Variants in DARS1 observed in about 807,000 individuals in gnomAD.
The protein encoded by DARS1 is aspartyl-tRNA synthetase 1.
A neutral mutation model predicts 68.8 loss-of-function variants in DARS1; 51 were observed. The observed-to-expected ratio is 0.74, with a 90% CI of 0.59 to 0.94. The LOEUF (loss-of-function observed/expected upper bound fraction) is 0.94. Ranked by LOEUF, DARS1 falls within the 40% of genes least tolerant of loss-of-function variation. The pLI, the probability that DARS1 is intolerant of heterozygous loss-of-function variation, is 0.00. For missense variants in DARS1, 607 were observed against 597.3 expected (o/e 1.02, Z -0.17); for synonymous variants, 203 against 190.4 (o/e 1.07, Z -0.55).
Position 135,920,512 on chromosome 2 carries a change from G to C in DARS1, c.900C>G (p.His300Gln). The C allele has an allele frequency of 6.2e-7, 1 of 1,613,528 alleles. No individual in the cohort carries two copies. The highest frequency in any genetic ancestry group is 2.2e-5 in the East Asian group (1 of 44,798). ...TGTCAGCAATTTCTTCCATAACTTC[G>C]TGGTAATGGTAATTAAAAGCCATTT... ...DIEMAFNYHY[H>Q]EVMEEIADTM... The change falls in exon 10 of 16, where the codon CAC (histidine) becomes CAG (glutamine). Residue 300 changes from histidine to glutamine, a missense_variant. By Grantham distance (24) the His-to-Gln change is conservative. Coordinates refer to ENST00000264161, the MANE Select transcript of DARS1 (RefSeq NM_001349.4).
At position 135,940,743 on chromosome 2, in the gene DARS1, T is replaced by C. The variant is rs138507977; in HGVS notation, c.423+2635A>G. On this transcript the variant is annotated intron_variant, in intron 5 of 15. Coordinates refer to ENST00000264161, the MANE Select transcript of DARS1 (RefSeq NM_001349.4). ...TTGTCCCTGTTTGCAGATGACATGA[T>C]TGTATATTTAGAAAACCCCATCGTC... Among the ~76,000 whole-genome samples the C allele has an allele frequency of 7.7e-3, 1,172 of 152,286 alleles. 11 individuals are homozygous for C. The highest frequency in any genetic ancestry group is 0.027 in the African/African-American group (1,106 of 41,550).
In DARS1 at chr2:135,963,371, T is replaced by C. The variant is rs147208518; in HGVS notation, c.218-1873A>G. On this transcript the variant is annotated intron_variant, in intron 3 of 15. Transcript: ENST00000264161. ...GAGCCCAATTAATGTTAACTATTAA[T>C]GACTTTTTTTTTTTTTTGAGATGGA... Among the ~76,000 whole-genome samples, 1,312 of 151,808 alleles carry C rather than the reference T, an allele frequency of 8.6e-3. 15 individuals are homozygous for C. The highest frequency in any genetic ancestry group is 0.028 in the African/African-American group (1,158 of 41,242).
intron 4 of DARS1, among the ~76,000 whole-genome samples, chr2:135,950,172 T>G (rs1160634623): frequency 6.6e-6 from 1 of 152,202 alleles, no homozygotes; most frequent in East Asian, 1.9e-4. Context: ...TTGTTGTGTA[T>G]GAGTTCACAT....
chr2:135,924,344 C>G (rs1463639595), intron 8 of DARS1, 43 bp downstream of exon 8: 1 of 1,528,802 alleles, frequency 6.5e-7, no homozygotes, highest in Admixed American at 2.4e-5. Context: ...CTGGGGAGAG[C>G]AAATTTATTT....
intron 7 of DARS1, among the ~76,000 whole-genome samples, chr2:135,927,622 C>G (rs528404213): frequency 6.6e-6 from 1 of 152,016 alleles, no homozygotes; most frequent in Non-Finnish European, 1.5e-5. Context: ...TTATTATATG[C>G]CTCCTAGTAC....
At chr2:135,957,701 C>T (rs1434266278) in intron 4 of DARS1, among the ~76,000 whole-genome samples, 3 of 152,086 alleles carry the variant, frequency 2.0e-5, no homozygotes, top group Admixed American at 2.0e-4. Flanking sequence ...CACTACTCAA[C>T]AAGGCACAGA....
intron 5 of DARS1, among the ~76,000 whole-genome samples, chr2:135,935,081 G>A (rs1336177825): frequency 4.0e-5 from 6 of 151,806 alleles, no homozygotes; most frequent in South Asian, 4.2e-4. Context: ...GAGCCACCAC[G>A]CCCGGCCATC....
chr2:135,956,021 T>C (rs756686296), intron 4 of DARS1, among the ~76,000 whole-genome samples: 11 of 152,152 alleles, frequency 7.2e-5, no homozygotes, highest in African/African-American at 2.4e-4. Context: ...CTTTCAATTA[T>C]AGTGAATTAG....
intron 1 of DARS1, among the ~76,000 whole-genome samples, chr2:135,984,970 G>A (rs1682738061): frequency 6.6e-6 from 1 of 152,212 alleles, no homozygotes; most frequent in Non-Finnish European, 1.5e-5. Context: ...CATATTGGCA[G>A]ATGGTTTTGC....
intron 5 of DARS1, among the ~76,000 whole-genome samples, chr2:135,940,087 G>A (rs1681563030): frequency 1.3e-5 from 2 of 152,130 alleles, no homozygotes; most frequent in South Asian, 4.1e-4. Flanking sequence ...ATACAAAGAG[G>A]AGCTGGTACC....
At chr2:135,980,828 T>C (rs1025514902) in intron 2 of DARS1, among the ~76,000 whole-genome samples, 1 of 152,218 alleles carries the variant, frequency 6.6e-6, no homozygotes, top group Non-Finnish European at 1.5e-5. Flanking sequence ...ATAATTTTAC[T>C]AGCACTTTGG....
intron 4 of DARS1, among the ~76,000 whole-genome samples, chr2:135,950,367 C>T (rs1257531232): frequency 6.6e-6 from 1 of 152,186 alleles, no homozygotes. Context: ...ATATTTCTCT[C>T]CATACTATTT....
At chr2:135,982,632 T>C (rs1682663104) in intron 2 of DARS1, among the ~76,000 whole-genome samples, 1 of 150,670 alleles carries the variant, frequency 6.6e-6, no homozygotes, top group Non-Finnish European at 1.5e-5. Context: ...GATGCCAACA[T>C]ACACTAACAA....
At position 135,907,066 on chromosome 2, in the gene DARS1, T is replaced by C; in HGVS notation, c.*250A>G. On this transcript the variant is annotated 3_prime_UTR_variant, in exon 16 of 16. Coordinates refer to ENST00000264161, the MANE Select transcript of DARS1 (RefSeq NM_001349.4). Reference sequence around the variant, plus strand: ...AACCATATGAATTTCTCAAGTTATTTCCTACTGATGCATGTCTGAAGTTAT... The same window carrying C: ...AACCATATGAATTTCTCAAGTTATTCCCTACTGATGCATGTCTGAAGTTAT... 3.9e-6 allele frequency: 1 copy of C among 256,616 alleles called. No homozygotes were observed. Among genetic ancestry groups the C allele is most frequent in the Non-Finnish European group, 7.4e-6 (1 of 134,634 alleles). 15.9% of individuals were successfully genotyped at this position (256,616 alleles called of 1,614,324 possible).
At chr2:135,911,023 T>C in intron 15 of DARS1, 116 bp downstream of exon 15, 1 of 597,050 alleles carries the variant, frequency 1.7e-6, no homozygotes. Context: ...TTATTTTGTT[T>C]CTTGGAAATC....
chr2:135,907,158 G>T lies in DARS1; in HGVS notation c.*158C>A. ...AATAACAGTGATATTTTAGGGCCTT[G>T]CAAATTTATTCTAGTGCATATTTTA... On this transcript the variant is annotated 3_prime_UTR_variant, in exon 16 of 16. Coordinates refer to ENST00000264161, the MANE Select transcript of DARS1 (RefSeq NM_001349.4). 2.1e-6 allele frequency: 1 copy of T among 469,960 alleles called. No homozygotes were observed. The allele number at this position is 469,960 out of a possible 1,614,324, so 29.1% of individuals were successfully genotyped here.
At position 135,924,493 on chromosome 2, in the gene DARS1, T is replaced by C. The variant is rs765566198; in HGVS notation, c.570A>G (p.Ser190=). 4.4e-6 allele frequency: 7 copies of C among 1,605,446 alleles called. No individual in the cohort carries two copies. The highest frequency in any genetic ancestry group is 3.5e-5 in the Admixed American group (2 of 57,798). Residue 190 remains serine (S), a synonymous_variant, in exon 8 of 16, where the codon TCA becomes TCG. Transcript: ENST00000264161. ...LDNRVIDLRT[S]TSQAVFRLQS... is the part of the protein sequence containing the mutation. ...GGAGACGGAAGACTGCCTGACTAGT[T>C]GATGTCTAGAAGACAGTAATAAAAT...
intron 5 of DARS1, among the ~76,000 whole-genome samples, chr2:135,941,098 T>A (rs963304591): frequency 6.6e-6 from 1 of 152,166 alleles, no homozygotes; most frequent in Admixed American, 6.5e-5. Context: ...AGGTAATTTA[T>A]AGATTCAATG....
chr2:135,952,810 G>C (rs1681872064), intron 4 of DARS1, among the ~76,000 whole-genome samples: 8 of 152,204 alleles, frequency 5.3e-5, no homozygotes, highest in Admixed American at 5.2e-4. Flanking sequence ...CTTGGCTATG[G>C]TGAATGGTGC....
Sources: allele counts gnomAD v4.1 joint callset (sites outside exome capture counted in the v4.1 genomes callset), GRCh38; gene constraint gnomAD v4.1.1; transcripts MANE v1.5; gene names NCBI Gene and HGNC (gene_info 2026-07-23, HGNC 2026-07-21).